Variants in CCDC148 observed in about 807,000 individuals in gnomAD.
CCDC148 encodes the protein coiled-coil domain-containing protein 148.
A neutral mutation model predicts 85.7 loss-of-function variants in CCDC148; 89 were observed. The ratio of observed to expected loss-of-function variants is 1.04; its 90% CI spans 0.87 to 1.24. CCDC148 has a LOEUF of 1.24. Ranked by LOEUF, CCDC148 falls within the 50% of genes most tolerant of loss-of-function variation. The pLI is 0.00. For missense variants in CCDC148, 692 were observed against 671.7 expected, an observed-to-expected ratio of 1.03 and a Z score of -0.33; for synonymous variants, 230 against 213.9, an observed-to-expected ratio of 1.08 and a Z score of -0.66.
chr2:158,386,487 T>G (rs932175638), intron 1 of CCDC148, among the ~76,000 whole-genome samples: 7 of 152,234 alleles, frequency 4.6e-5, no homozygotes, highest in Admixed American at 4.6e-4. Flanking sequence ...CAATGCAGAT[T>G]AATTTTTCTC....
intron 1 of CCDC148, among the ~76,000 whole-genome samples, chr2:158,438,872 A>G (rs1322270417): frequency 6.6e-6 from 1 of 152,242 alleles, no homozygotes; most frequent in Admixed American, 6.5e-5. Flanking sequence ...GACACATGAA[A>G]AAATGCTCAT....
At chr2:158,377,062 G>A (rs1423991909) in intron 1 of CCDC148, among the ~76,000 whole-genome samples, 2 of 151,986 alleles carry the variant, frequency 1.3e-5, no homozygotes, top group Non-Finnish European at 2.9e-5. Flanking sequence ...CCTTCACAGA[G>A]GCAAGGAGGG....
At chr2:158,254,985 C>CA (rs58809618) in intron 9 of CCDC148, among the ~76,000 whole-genome samples, 1,678 of 131,098 alleles carry the variant, frequency 0.013, 23 homozygotes, top group African/African-American at 0.039. Context: ...TTCTTTTCTC[C>CA]AAAAAAAAAA....
Position 158,331,039 on chromosome 2 carries a change from G to A in CCDC148, c.764+7687C>T, listed in dbSNP as rs181649264. 7.7e-3 allele frequency among the ~76,000 whole-genome samples: 1,169 copies of A among 151,828 alleles called. 19 individuals carry two copies. The highest frequency in any genetic ancestry group is 0.026 in the African/African-American group (1,095 of 41,370). ...TCTGCTCTGATTTTCGTTATTTCTC[G>A]CCTTCTGCTAGCTTTTGAATGTGTT... is the stretch of plus-strand genomic sequence containing the variant. On this transcript the variant is annotated intron_variant, in intron 7 of 13. Coordinates refer to ENST00000283233, the MANE Select transcript of CCDC148 (RefSeq NM_138803.4).
chr2:158,282,898 C>A (rs1306270669), intron 9 of CCDC148, among the ~76,000 whole-genome samples: 3 of 152,160 alleles, frequency 2.0e-5, no homozygotes, highest in Non-Finnish European at 4.4e-5. Flanking sequence ...GCTACAGTAA[C>A]CAAAACAGCA....
At chr2:158,287,461 G>A (rs1690679921) in intron 9 of CCDC148, among the ~76,000 whole-genome samples, 1 of 152,120 alleles carries the variant, frequency 6.6e-6, no homozygotes, top group Non-Finnish European at 1.5e-5. Context: ...AGATACAGTG[G>A]GGGTACAGGC....
chr2:158,399,072 C>G lies in CCDC148; in HGVS notation c.26-40502G>C, dbSNP rs527750001. Among the ~76,000 whole-genome samples the G allele has an allele frequency of 9.2e-5, 14 of 152,212 alleles. 1 individual carries two copies. In the South Asian group the frequency reaches 2.7e-3, roughly 29 times the overall value. ...ACACATACACCCTCCTAAGACTAAA[C>G]CTGGAAGAAGTTGAATCTCTGAATA... On this transcript the variant is annotated intron_variant, in intron 1 of 13. Transcript: ENST00000283233.
chr2:158,304,610 G>A (rs754734666), intron 9 of CCDC148, among the ~76,000 whole-genome samples: 34 of 152,168 alleles, frequency 2.2e-4, no homozygotes, highest in Non-Finnish European at 3.8e-4. Context: ...AAAAAAGATT[G>A]ATGAATTATA....
intron 1 of CCDC148, among the ~76,000 whole-genome samples, chr2:158,441,824 G>C (rs1204184537): frequency 6.6e-6 from 1 of 152,094 alleles, no homozygotes; most frequent in Non-Finnish European, 1.5e-5. Flanking sequence ...TGTTCATCAA[G>C]AATGTGCAAT....
intron 10 of CCDC148, among the ~76,000 whole-genome samples, chr2:158,226,611 T>A (rs934177600): frequency 6.6e-6 from 1 of 152,154 alleles, no homozygotes; most frequent in Non-Finnish European, 1.5e-5. Context: ...TCCACCATGA[T>A]CAAGTGGGCA....
chr2:158,247,090 G>A (rs1157144949), intron 10 of CCDC148, among the ~76,000 whole-genome samples: 1 of 152,050 alleles, frequency 6.6e-6, no homozygotes, highest in African/African-American at 2.4e-5. Flanking sequence ...AATGACCAAC[G>A]GGTGAAAATA....
At chr2:158,240,971 G>C (rs148422970) in intron 10 of CCDC148, among the ~76,000 whole-genome samples, 181 of 152,312 alleles carry the variant, frequency 1.2e-3, no homozygotes, top group Non-Finnish European at 2.0e-3. Flanking sequence ...CTAGGAAGCA[G>C]TCAGACCAGC....
intron 2 of CCDC148, among the ~76,000 whole-genome samples, chr2:158,351,703 T>A (rs1230334009): frequency 2.0e-5 from 3 of 152,120 alleles, no homozygotes; most frequent in Non-Finnish European, 4.4e-5. Context: ...GCCAGGAAGC[T>A]CCAACTGGGC....
At chr2:158,189,640 A>C (rs780033426) in intron 11 of CCDC148, among the ~76,000 whole-genome samples, 3 of 151,990 alleles carry the variant, frequency 2.0e-5, no homozygotes, top group Non-Finnish European at 2.9e-5. Context: ...CTTATTGCTC[A>C]GTTATCTGAT....
intron 1 of CCDC148, among the ~76,000 whole-genome samples, chr2:158,413,105 A>G (rs1559128342): frequency 6.6e-6 from 1 of 152,268 alleles, no homozygotes; most frequent in East Asian, 1.9e-4. Flanking sequence ...TACAGAAAGT[A>G]TTTGTAGAAA....
intron 9 of CCDC148, among the ~76,000 whole-genome samples, chr2:158,277,963 G>A (rs1370010236): frequency 6.6e-6 from 1 of 152,080 alleles, no homozygotes; most frequent in Non-Finnish European, 1.5e-5. Flanking sequence ...ATCTAGATAA[G>A]ACAAGACCAA....
At chr2:158,234,422 A>T (rs1242669612) in intron 10 of CCDC148, among the ~76,000 whole-genome samples, 1 of 152,168 alleles carries the variant, frequency 6.6e-6, no homozygotes, top group Non-Finnish European at 1.5e-5. Flanking sequence ...ACCAATCTCC[A>T]AGGTGATAAA....
At chr2:158,225,545 A>G (rs1000493682) in intron 10 of CCDC148, among the ~76,000 whole-genome samples, 11 of 152,222 alleles carry the variant, frequency 7.2e-5, no homozygotes, top group Non-Finnish European at 1.6e-4. Context: ...AATTGACCAC[A>G]TAGTTGGAAG....
chr2:158,215,663 G>A (rs1686811736), intron 11 of CCDC148, among the ~76,000 whole-genome samples: 1 of 151,954 alleles, frequency 6.6e-6, no homozygotes, highest in African/African-American at 2.4e-5. Flanking sequence ...TAGCACAAAG[G>A]ACTTATATGC....
Sources: allele counts gnomAD v4.1 joint callset (sites outside exome capture counted in the v4.1 genomes callset), GRCh38; gene constraint gnomAD v4.1.1; transcripts MANE v1.5; gene names NCBI Gene and HGNC (gene_info 2026-07-23, HGNC 2026-07-21).